The following ZFHX3 variants were observed in gnomAD, a reference collection of about 807,000 sequenced individuals.
ZFHX3 encodes the protein zinc finger homeobox 3.
Under a neutral mutation model 279.1 loss-of-function variants are expected in ZFHX3, and 42 were observed. That is an observed-to-expected ratio of 0.15 (90% confidence interval 0.12 to 0.19). The LOEUF (loss-of-function observed/expected upper bound fraction) is 0.19, where lower values mean the gene tolerates loss of function less well. ZFHX3 is among the 10% of genes least tolerant of loss of function. ZFHX3 has a pLI of 1.00. For missense variants in ZFHX3, 4,981 were observed against 4,754.0 expected (o/e 1.05, Z -1.40); for synonymous variants, 2,293 against 1,957.8 (o/e 1.17, Z -4.52).
chr16:73,416,151 AAC>A (rs1329781930), intron 3 of ZFHX3, among the ~76,000 whole-genome samples: 1 of 151,162 alleles, frequency 6.6e-6, no homozygotes, highest in Admixed American at 6.6e-5. Context: ...AAAAACGGAA[AAC>A]AAACAAACAA....
chr16:73,671,588 T>A (rs886519264), intron 2 of ZFHX3, among the ~76,000 whole-genome samples: 2 of 152,250 alleles, frequency 1.3e-5, no homozygotes, highest in African/African-American at 4.8e-5. Context: ...GCAGGGTGCC[T>A]GCAGTGAAAT....
chr16:73,703,799 T>C (rs924339019), intron 1 of ZFHX3, among the ~76,000 whole-genome samples: 3 of 152,176 alleles, frequency 2.0e-5, no homozygotes, highest in African/African-American at 7.2e-5. Flanking sequence ...TAAGATGCAC[T>C]AACAGTTTTC....
chr16:73,682,895 A>G (rs1303593377), intron 1 of ZFHX3, among the ~76,000 whole-genome samples: 4 of 24,440 alleles, frequency 1.6e-4, no homozygotes, highest in South Asian at 1.7e-3. Flanking sequence ...AGAAAGAAAG[A>G]AAGAAAGAAA....
At chr16:72,973,782 G>T (rs1242523809) in intron 1 of ZFHX3, 1 of 152,320 alleles carries the variant, frequency 6.6e-6, no homozygotes, top group Non-Finnish European at 1.5e-5. Flanking sequence ...TGAGGCATGA[G>T]AATTGCTGGA....
rs200023721 is a variant in ZFHX3 at position 72,786,993 on chromosome 16, C to CATAG, written c.*167_*170dup. On this transcript the variant is annotated 3_prime_UTR_variant, in exon 10 of 10. Coordinates refer to ENST00000268489, the MANE Select transcript of ZFHX3 (RefSeq NM_006885.4). ...AAAGACAAGAATGTAAAATCACCGGCATAGATAGGTATATGGGAAAACAAC... is the reference window on the plus strand; with the variant it reads ...AAAGACAAGAATGTAAAATCACCGGCATAGATAGATAGGTATATGGGAAAACAAC... 2.0e-3 allele frequency: 1,086 copies of CATAG among 532,480 alleles called. 61 individuals carry two copies. The East Asian group carries it at 0.038, about 19-fold the overall frequency. The allele number at this position is 532,480 out of a possible 1,614,324, so 33.0% of individuals were successfully genotyped here.
intron 3 of ZFHX3, among the ~76,000 whole-genome samples, chr16:73,444,177 T>A (rs941249594): frequency 1.3e-5 from 2 of 152,240 alleles, no homozygotes; most frequent in Non-Finnish European, 2.9e-5. Flanking sequence ...CATTTTAAAA[T>A]AATGATTTCT....
At chr16:73,370,884 T>G (rs749483255) in intron 3 of ZFHX3, among the ~76,000 whole-genome samples, 2 of 152,184 alleles carry the variant, frequency 1.3e-5, no homozygotes. Flanking sequence ...TCCTCCCTGT[T>G]TTTTGGACAA....
chr16:73,154,940 G>A (rs918711243), intron 5 of ZFHX3, among the ~76,000 whole-genome samples: 17 of 152,104 alleles, frequency 1.1e-4, no homozygotes, highest in African/African-American at 1.7e-4. Context: ...TTGAGAGGCT[G>A]AGGTGGGAGG....
chr16:72,919,775 A>ATTTTT (rs1567583993), intron 3 of ZFHX3, among the ~76,000 whole-genome samples: 1 of 49,574 alleles, frequency 2.0e-5, no homozygotes, highest in African/African-American at 9.3e-5. Context: ...TATATGCACC[A>ATTTTT]TCTTTTTTTT....
At chr16:73,373,411 T>A (rs905894931) in intron 3 of ZFHX3, among the ~76,000 whole-genome samples, 1 of 152,158 alleles carries the variant, frequency 6.6e-6, no homozygotes, top group Admixed American at 6.5e-5. Context: ...GAGATGGACC[T>A]TTGTGGGGCA....
intron 1 of ZFHX3, among the ~76,000 whole-genome samples, chr16:73,778,916 T>C (rs1959354873): frequency 6.6e-6 from 1 of 152,226 alleles, no homozygotes; most frequent in Admixed American, 6.5e-5. Context: ...TTCTGTGGAA[T>C]ATTAATCGTT....
chr16:72,871,675 C>T (rs559073605), intron 4 of ZFHX3, among the ~76,000 whole-genome samples: 1 of 151,712 alleles, frequency 6.6e-6, no homozygotes, highest in African/African-American at 2.4e-5. Context: ...CGGGGTTTCA[C>T]CATGTTGGCC....
At chr16:72,800,949 C>T (rs1011276015) in intron 7 of ZFHX3, among the ~76,000 whole-genome samples, 1 of 152,196 alleles carries the variant, frequency 6.6e-6, no homozygotes, top group Non-Finnish European at 1.5e-5. Flanking sequence ...AACTTTTGGG[C>T]AGAGCCTCAG....
intron 3 of ZFHX3, among the ~76,000 whole-genome samples, chr16:72,918,096 T>G (rs1206900810): frequency 2.0e-5 from 3 of 152,190 alleles, no homozygotes; most frequent in African/African-American, 7.2e-5. Context: ...CATTAATGAC[T>G]TGGTGTCTAT....
At position 73,660,070 on chromosome 16, in the gene ZFHX3, G is replaced by T. The variant is rs572569069; in HGVS notation, c.-1547+20110C>A. 4.6e-5 allele frequency among the ~76,000 whole-genome samples: 7 copies of T among 152,272 alleles called. 1 individual carries two copies. The South Asian group carries it at 1.5e-3, about 32-fold the overall frequency. On this transcript the variant is annotated intron_variant, in intron 2 of 17. Coordinates refer to the ZFHX3 transcript ENST00000641206. ...TTTCCTTGTAATAAAAGCCCTCTGC[G>T]TTGGCATATACATTCAGAACGGGAA... is the stretch of plus-strand genomic sequence containing the variant.
At chr16:73,248,264 G>A (rs1195403029) in intron 5 of ZFHX3, among the ~76,000 whole-genome samples, 3 of 151,754 alleles carry the variant, frequency 2.0e-5, no homozygotes, top group African/African-American at 7.3e-5. Flanking sequence ...GCGTGTATGT[G>A]GAATGTTTGC....
At chr16:73,553,509 G>C (rs1215296808) in intron 2 of ZFHX3, among the ~76,000 whole-genome samples, 1 of 152,260 alleles carries the variant, frequency 6.6e-6, no homozygotes, top group South Asian at 2.1e-4. Context: ...GCTCTGGTCT[G>C]TCCTTTGAAA....
chr16:73,533,108 C>T (rs2019836842), intron 2 of ZFHX3, among the ~76,000 whole-genome samples: 2 of 152,078 alleles, frequency 1.3e-5, no homozygotes. Flanking sequence ...CGCTGCCAGG[C>T]CATCAGTGTG....
intron 2 of ZFHX3, among the ~76,000 whole-genome samples, chr16:72,952,889 C>T (rs1961061622): frequency 6.6e-6 from 1 of 152,190 alleles, no homozygotes; most frequent in African/African-American, 2.4e-5. Context: ...TTTCTCTTTC[C>T]TAAACACACG....
Sources: gnomAD v4.1 joint callset for allele counts (sites outside exome capture counted in the v4.1 genomes callset) on GRCh38, gnomAD v4.1.1 for gene constraint, MANE v1.5 for transcripts, NCBI Gene and HGNC (gene_info 2026-07-23, HGNC 2026-07-21) for gene names.